The following KDM7A variants were observed in gnomAD, a reference collection of about 807,000 sequenced individuals.
The protein encoded by KDM7A is lysine-specific demethylase 7A.
In KDM7A, 28 loss-of-function variants were observed where a neutral mutation model predicts 114.8. The ratio of observed to expected loss-of-function variants is 0.24; its 90% CI spans 0.18 to 0.33. KDM7A has a LOEUF of 0.33. KDM7A is among the 10% of genes least tolerant of loss of function. The probability of loss-of-function intolerance (pLI) is 1.00; values close to 1 mark genes in which losing one functional copy is unlikely to be tolerated. For missense variants in KDM7A, 942 were observed against 1,142.5 expected (o/e 0.82, Z 2.53); for synonymous variants, 423 against 397.8 (o/e 1.06, Z -0.75).
At chr7:140,136,390 T>C (rs1818870694) in intron 2 of KDM7A, among the ~76,000 whole-genome samples, 1 of 152,182 alleles carries the variant, frequency 6.6e-6, no homozygotes, top group African/African-American at 2.4e-5. Flanking sequence ...TGGGCCAACA[T>C]GCTAACCATA....
At chr7:140,117,007 C>T (rs551496100) in intron 9 of KDM7A, among the ~76,000 whole-genome samples, 4 of 152,248 alleles carry the variant, frequency 2.6e-5, no homozygotes, top group Admixed American at 6.5e-5. Flanking sequence ...AAAAAGGTTA[C>T]GGATAAAAGA....
intron 1 of KDM7A, among the ~76,000 whole-genome samples, chr7:140,142,422 CAA>C (rs545464512): frequency 7.4e-6 from 1 of 135,096 alleles, no homozygotes; most frequent in Non-Finnish European, 1.6e-5. Context: ...TAAATCAATA[CAA>C]AAAAAAAAAC....
At chr7:140,163,697 A>G (rs912358015) in intron 1 of KDM7A, among the ~76,000 whole-genome samples, 1 of 151,974 alleles carries the variant, frequency 6.6e-6, no homozygotes, top group Non-Finnish European at 1.5e-5. Flanking sequence ...ACTTCTCTAT[A>G]TTGCTCAATA....
At chr7:140,171,213 C>T (rs1794634945) in intron 1 of KDM7A, among the ~76,000 whole-genome samples, 1 of 151,704 alleles carries the variant, frequency 6.6e-6, no homozygotes, top group Non-Finnish European at 1.5e-5. Context: ...CTATTACAGG[C>T]ACTTTGGGAG....
chr7:140,112,638 A>G (rs1818451603), intron 10 of KDM7A, among the ~76,000 whole-genome samples: 1 of 152,248 alleles, frequency 6.6e-6, no homozygotes, highest in Admixed American at 6.5e-5. Flanking sequence ...TAATATGGAC[A>G]TGTATTTTCA....
chr7:140,088,530 C>G lies in KDM7A; in HGVS notation c.*2564G>C. 1 of 398,350 alleles carries G rather than the reference C, an allele frequency of 2.5e-6. No homozygotes were observed. Among genetic ancestry groups the G allele is most frequent in the East Asian group, 3.6e-5 (1 of 28,078 alleles). The allele number at this position is 398,350 out of a possible 1,614,324, so 24.7% of individuals were successfully genotyped here. On this transcript the variant is annotated 3_prime_UTR_variant, in exon 20 of 20. Coordinates refer to ENST00000397560, the MANE Select transcript of KDM7A (RefSeq NM_030647.2). ...TCTATTACTGTTAAGCCCAGGTACTCGCAGCAGCTACCACAAAGTTCAGCC... is the reference window on the plus strand; with the variant it reads ...TCTATTACTGTTAAGCCCAGGTACTGGCAGCAGCTACCACAAAGTTCAGCC...
In KDM7A at chr7:140,111,133, G is replaced by C. The variant is rs1312385623; in HGVS notation, c.1390C>G (p.Leu464Val). The change falls in exon 11 of 20, where the codon CTT becomes GTT. Residue 464 changes from leucine (L) to valine (V), a missense_variant. Leu to Val is a conservative substitution (Grantham distance 32, BLOSUM62 1). Transcript: ENST00000397560. The stretch of plus-strand genomic sequence containing the variant: ...ATTACTTTAGAAAGTTCTTTAATAA[G>C]GTGTCCAGGTCTAACATTGTCTGGA... ...EIPDNVRPGHLIKELSKVIRA... is the reference protein window; with the variant it reads ...EIPDNVRPGHVIKELSKVIRA... 1.1e-5 allele frequency: 17 copies of C among 1,606,202 alleles called. No individual in the cohort carries two copies. Among genetic ancestry groups the C allele is most frequent in the Non-Finnish European group, 1.4e-5 (16 of 1,174,134 alleles).
intron 1 of KDM7A, among the ~76,000 whole-genome samples, chr7:140,155,618 A>G (rs1335029221): frequency 6.6e-6 from 1 of 152,216 alleles, no homozygotes; most frequent in Non-Finnish European, 1.5e-5. Context: ...AAACAAAATT[A>G]GGAGACAGTG....
intron 11 of KDM7A, 120 bp from the exon 12 acceptor site, chr7:140,102,280 CA>C: frequency 1.4e-6 from 1 of 712,404 alleles, no homozygotes; most frequent in Non-Finnish European, 2.3e-6. Context: ...CATATAAACA[CA>C]AAAAAGACTA....
chr7:140,100,691 T>C (rs868688404), intron 12 of KDM7A, among the ~76,000 whole-genome samples: 63 of 31,394 alleles, frequency 2.0e-3, no homozygotes, highest in Middle Eastern at 0.01. Context: ...CATATATACA[T>C]ATATATATAT....
chr7:140,101,934 T>C lies in KDM7A; in HGVS notation c.1638+17A>G. On this transcript the variant is annotated intron_variant, in intron 12 of 19. Transcript: ENST00000397560. ...ACAGCCAAGTTTCTTTTTGTTGTCA[T>C]GAAACATAATACTTGCCTCTTCCCA... is the stretch of plus-strand genomic sequence containing the variant. The C allele has an allele frequency of 6.4e-7, 1 of 1,554,004 alleles. No homozygotes were observed. Among genetic ancestry groups the C allele is most frequent in the African/African-American group, 1.4e-5 (1 of 73,508 alleles).
At chr7:140,092,297 AAG>A (rs772214882) in intron 18 of KDM7A, among the ~76,000 whole-genome samples, 97 of 152,296 alleles carry the variant, frequency 6.4e-4, no homozygotes, top group Admixed American at 1.6e-3. Context: ...AAGAAGGCGA[AAG>A]AGAGAGTGAG....
intron 6 of KDM7A, 41 bp downstream of exon 6, chr7:140,126,596 T>C (rs770146870): frequency 7.6e-7 from 1 of 1,314,018 alleles, no homozygotes; most frequent in Non-Finnish European, 1.0e-6. Flanking sequence ...TAGGGCTATA[T>C]GTTTTTGTCA....
Position 140,176,897 on chromosome 7 carries a change from G to C in KDM7A, c.41C>G (p.Ala14Gly), listed in dbSNP as rs1262028355. 5 of 1,187,290 alleles carry C rather than the reference G, an allele frequency of 4.2e-6. No individual in the cohort carries two copies. The highest frequency in any genetic ancestry group is 3.3e-5 in the African/African-American group (2 of 60,994). The allele number at this position is 1,187,290 out of a possible 1,614,324, so 73.5% of individuals were successfully genotyped here. A position where few individuals can be genotyped will look rare whatever the true frequency, so the allele number is the denominator to read the frequency against. The change falls in exon 1 of 20, where the codon GCT (alanine) becomes GGT (glycine). Residue 14 changes from alanine (A) to glycine (G), a missense_variant. Around this residue, in one of 4 missense-constraint regions of KDM7A, gnomAD observed 112 missense variants for 96.2 expected, o/e 1.16. Coordinates refer to ENST00000397560, the MANE Select transcript of KDM7A (RefSeq NM_030647.2). This position sits in a 1 kb window ranked among gnomAD's most constrained non-coding sequence, Gnocchi z 4.4. Reference sequence around the variant, plus strand: ...CGACACGGCTGCCGCGGCGGCTCCAGCTGCTGCTCCCGCGGCCACCGCCGC... The same window carrying C: ...CGACACGGCTGCCGCGGCGGCTCCACCTGCTGCTCCCGCGGCCACCGCCGC... ...AAAAVAAGAA[A>G]GAAAAAVSVA...
chr7:140,149,988 G>T (rs1794381817), intron 1 of KDM7A, among the ~76,000 whole-genome samples: 1 of 152,152 alleles, frequency 6.6e-6, no homozygotes, highest in Non-Finnish European at 1.5e-5. Context: ...GTATTAGAGT[G>T]AAAGTCGCGT....
At chr7:140,151,703 G>A (rs1794402262) in intron 1 of KDM7A, among the ~76,000 whole-genome samples, 1 of 152,116 alleles carries the variant, frequency 6.6e-6, no homozygotes, top group East Asian at 1.9e-4. Context: ...TTCCTTTCAT[G>A]TAGTTCCTAA....
chr7:140,092,983 C>G (rs987921735), intron 18 of KDM7A, among the ~76,000 whole-genome samples: 2 of 152,042 alleles, frequency 1.3e-5, no homozygotes, highest in Admixed American at 6.5e-5. Context: ...CGTATACTCA[C>G]AAAGCCTTCC....
chr7:140,160,132 T>C (rs1794502504), intron 1 of KDM7A, among the ~76,000 whole-genome samples: 1 of 152,216 alleles, frequency 6.6e-6, no homozygotes, highest in East Asian at 1.9e-4. Context: ...CAGACACCTC[T>C]GTTTAAGGCA....
At position 140,139,134 on chromosome 7, in the gene KDM7A, T is replaced by G. The variant is rs771650432; in HGVS notation, c.251A>C (p.Asn84Thr). The G allele has an allele frequency of 6.2e-7, 1 of 1,613,370 alleles. No individual in the cohort carries two copies. Among genetic ancestry groups the G allele is most frequent in the Admixed American group, 1.7e-5 (1 of 60,006 alleles). ...GGAGGAACCATGTAAAACTGCACAG[T>G]TGGGACAGTGATACAGGTCAATGTC... The part of the protein sequence containing the change: ...AVDIDLYHCP[N>T]CAVLHGSSLM... The change falls in exon 2 of 20, where the codon AAC (asparagine) becomes ACC (threonine). Residue 84 changes from asparagine to threonine, a missense_variant. Transcript: ENST00000397560.
Sources: gnomAD v4.1 joint callset for allele counts (sites outside exome capture counted in the v4.1 genomes callset) on GRCh38, gnomAD v4.1.1 for gene constraint, gnomAD v4.1.1 regional missense constraint, Gnocchi (gnomAD v3.1) non-coding constraint, MANE v1.5 for transcripts, NCBI Gene and HGNC (gene_info 2026-07-23, HGNC 2026-07-21) for gene names.